DLGAP4: variants seen among roughly 807,000 people sequenced by gnomAD.
DLGAP4 encodes disks large-associated protein 4.
A neutral mutation model predicts 86.9 loss-of-function variants in DLGAP4; 18 were observed. The ratio of observed to expected loss-of-function variants is 0.21; its 90% confidence interval spans 0.14 to 0.31. The LOEUF is 0.31. Ranked by LOEUF, DLGAP4 falls within the 10% of genes least tolerant of loss-of-function variation. DLGAP4 has a pLI of 1.00. For synonymous variants in DLGAP4, 548 were observed against 574.3 expected (o/e 0.95, Z 0.65); for missense variants, 1,085 against 1,362.6 (o/e 0.80, Z 3.21).
chr20:36,449,081 G>C (rs2147584027), intron 7 of DLGAP4, among the ~76,000 whole-genome samples: 1 of 152,316 alleles, frequency 6.6e-6, no homozygotes, highest in East Asian at 1.9e-4. Context: ...AGGGATGGTA[G>C]CCAGGGAGGT....
At chr20:36,450,882 G>T (rs138509323) in intron 7 of DLGAP4, among the ~76,000 whole-genome samples, 1 of 152,142 alleles carries the variant, frequency 6.6e-6, no homozygotes, top group African/African-American at 2.4e-5. Context: ...GGGCAAATGC[G>T]TTGAGATTTG....
At chr20:36,449,338 T>A (rs533260963) in intron 7 of DLGAP4, among the ~76,000 whole-genome samples, 2 of 152,216 alleles carry the variant, frequency 1.3e-5, no homozygotes, top group African/African-American at 4.8e-5. Context: ...CTATTTTCCC[T>A]CTTGGTGACC....
chr20:36,498,322 A>G (rs1056297674), intron 8 of DLGAP4: 2 of 152,252 alleles, frequency 1.3e-5, no homozygotes, highest in African/African-American at 4.8e-5. Flanking sequence ...CCTGCGCTGC[A>G]CAGGTGGGAT....
intron 2 of DLGAP4, among the ~76,000 whole-genome samples, chr20:36,377,745 AG>A (rs2031213443): frequency 6.6e-6 from 1 of 152,170 alleles, no homozygotes; most frequent in African/African-American, 2.4e-5. Flanking sequence ...AAGAGTTGGC[AG>A]GTTGGGGCGG....
In DLGAP4 at chr20:36,461,664, CCCG is replaced by C. The variant is rs1393195197; in HGVS notation, c.1648+14728_1648+14730del. On this transcript the variant is annotated intron_variant, in intron 7 of 12. Coordinates refer to ENST00000339266, the MANE Select transcript of DLGAP4 (RefSeq NM_001365621.2). ...CCGCGAGGAGACGGGGGCCGCCCCG[CCCG>C]GCCCGGCCCGGCCCTGCCCCGCCCC... 1,421 of 157,792 alleles carry C rather than the reference CCCG, an allele frequency of 9.0e-3. 51 individuals carry two copies. Among genetic ancestry groups the C allele is most frequent in the African/African-American group, 0.04 (1,303 of 32,256 alleles). 9.8% of individuals were successfully genotyped at this position (157,792 alleles called of 1,614,324 possible). A position where few individuals can be genotyped will look rare whatever the true frequency, so the allele number is the denominator to read the frequency against.
intron 2 of DLGAP4, among the ~76,000 whole-genome samples, chr20:36,422,183 T>A (rs1411057471): frequency 6.6e-6 from 1 of 152,084 alleles, no homozygotes; most frequent in Admixed American, 6.5e-5. Context: ...CCACACATCG[T>A]CCCTTCAGAG....
intron 1 of DLGAP4, among the ~76,000 whole-genome samples, chr20:36,365,247 G>C (rs1464452987): frequency 6.6e-6 from 1 of 152,208 alleles, no homozygotes; most frequent in Non-Finnish European, 1.5e-5. Flanking sequence ...ACCTCCCTTG[G>C]TTGCCACTTC....
intron 5 of DLGAP4, 97 bp from the exon 6 acceptor site, chr20:36,442,630 A>G: frequency 7.1e-7 from 1 of 1,399,746 alleles, no homozygotes; most frequent in Non-Finnish European, 1.0e-6. Flanking sequence ...AGGAGGTTAG[A>G]CCAGCCAGCT....
intron 10 of DLGAP4, among the ~76,000 whole-genome samples, chr20:36,510,227 G>A (rs2036614983): frequency 6.6e-6 from 1 of 151,800 alleles, no homozygotes; most frequent in Non-Finnish European, 1.5e-5. Flanking sequence ...TCCTCTTTTG[G>A]CTGCTTCTAT....
rs144638865 is a variant in DLGAP4, at chr20:36,432,301, G to T, written c.584G>T (p.Arg195Leu). 1.5e-5 allele frequency: 25 copies of T among 1,613,706 alleles called. No individual in the cohort carries two copies. The highest frequency in any genetic ancestry group is 2.1e-5 in the Non-Finnish European group (25 of 1,179,850). Reference sequence around the variant, plus strand: ...CGGGCCAAGGCTGGGGAGCCCAAACGGCGCAGCCGCTCCAACATCTCAGGC... The same window carrying T: ...CGGGCCAAGGCTGGGGAGCCCAAACTGCGCAGCCGCTCCAACATCTCAGGC... ...KERAKAGEPK[R>L]RSRSNISGWW... Residue 195 changes from arginine to leucine, a missense_variant, in exon 3 of 13, where the codon CGG (arginine) becomes CTG (leucine). Physicochemically the swap from Arg to Leu is moderately radical, Grantham distance 102. Coordinates refer to ENST00000339266, the MANE Select transcript of DLGAP4 (RefSeq NM_001365621.2). The surrounding 1 kb of genome is among the most constrained non-coding windows in gnomAD (Gnocchi z 6.5).
At chr20:36,352,793 G>A (rs1363240112) in intron 1 of DLGAP4, among the ~76,000 whole-genome samples, 6 of 152,090 alleles carry the variant, frequency 3.9e-5, no homozygotes, top group African/African-American at 1.4e-4. Context: ...TGGAAGGGTC[G>A]CCAGGGAGTG....
At chr20:36,487,784 C>A (rs1188025029) in intron 7 of DLGAP4, among the ~76,000 whole-genome samples, 1 of 152,158 alleles carries the variant, frequency 6.6e-6, no homozygotes, top group Non-Finnish European at 1.5e-5. Flanking sequence ...ACCATGGTAA[C>A]AAAATTGGCA....
At chr20:36,340,042 C>T (rs1266906979) in intron 1 of DLGAP4, among the ~76,000 whole-genome samples, 1 of 152,134 alleles carries the variant, frequency 6.6e-6, no homozygotes, top group Non-Finnish European at 1.5e-5. Flanking sequence ...TTAGCATATT[C>T]ATGATCTTGC....
intron 7 of DLGAP4, among the ~76,000 whole-genome samples, chr20:36,483,265 A>G (rs1479156606): frequency 6.6e-6 from 1 of 152,200 alleles, no homozygotes; most frequent in African/African-American, 2.4e-5. Context: ...ATGGTTTTTC[A>G]GAAACTACAT....
intron 7 of DLGAP4, among the ~76,000 whole-genome samples, chr20:36,466,026 C>T (rs1193462735): frequency 1.3e-5 from 2 of 151,988 alleles, no homozygotes; most frequent in Non-Finnish European, 1.5e-5. Flanking sequence ...CCTTTCTGTG[C>T]CTCAGTTTTC....
At chr20:36,379,953 G>A (rs200066361) in intron 2 of DLGAP4, among the ~76,000 whole-genome samples, 1 of 152,286 alleles carries the variant, frequency 6.6e-6, no homozygotes, top group East Asian at 1.9e-4. Context: ...AGACCAAGGT[G>A]GGAGAATCGC....
At chr20:36,319,057 C>T (rs1555890273) in intron 1 of DLGAP4, among the ~76,000 whole-genome samples, 2 of 151,650 alleles carry the variant, frequency 1.3e-5, no homozygotes, top group Admixed American at 6.6e-5. Context: ...GCAGGAGAAT[C>T]GCTTGAACCT....
At chr20:36,321,580 C>G (rs969304276) in intron 1 of DLGAP4, among the ~76,000 whole-genome samples, 4 of 152,266 alleles carry the variant, frequency 2.6e-5, no homozygotes, top group African/African-American at 9.6e-5. Context: ...GGCGCTCGCC[C>G]GCCTCAGCGC....
chr20:36,471,233 A>C (rs1461392402), intron 7 of DLGAP4, among the ~76,000 whole-genome samples: 1 of 152,158 alleles, frequency 6.6e-6, no homozygotes, highest in Non-Finnish European at 1.5e-5. Context: ...TCATGCCTGT[A>C]ATCCCAGCAT....
Sources: gnomAD v4.1 joint callset for allele counts (sites outside exome capture counted in the v4.1 genomes callset) on GRCh38, gnomAD v4.1.1 for gene constraint, Gnocchi (gnomAD v3.1) non-coding constraint, MANE v1.5 for transcripts, NCBI Gene and HGNC (gene_info 2026-07-23, HGNC 2026-07-21) for gene names.